Variants in ANOS1 observed in about 807,000 individuals in gnomAD.
ANOS1 encodes anosmin-1.
A neutral mutation model predicts 59.0 loss-of-function variants in ANOS1; 6 were observed. That is an observed-to-expected ratio of 0.10 (90% CI 0.06 to 0.20). The LOEUF is 0.20. Ranked by LOEUF, ANOS1 falls within the 10% of genes least tolerant of loss-of-function variation. The probability of loss-of-function intolerance (pLI) is 1.00; values close to 1 mark genes in which losing one functional copy is unlikely to be tolerated. For synonymous variants in ANOS1, 217 were observed against 223.4 expected, an observed-to-expected ratio of 0.97 and a Z score of 0.25; for missense variants, 433 against 542.3, an observed-to-expected ratio of 0.80 and a Z score of 2.00.
At chrX:8,661,645 C>CTATAT (rs1451158294) in intron 2 of ANOS1, among the ~76,000 whole-genome samples, 5 of 111,739 alleles carry the variant, frequency 4.5e-5, no homozygotes, top group Non-Finnish European at 9.4e-5. Flanking sequence ...TATTTGACTA[C>CTATAT]AAGTCCAAAC....
At chrX:8,727,506 T>C (rs778756196) in intron 1 of ANOS1, among the ~76,000 whole-genome samples, 6 of 112,504 alleles carry the variant, frequency 5.3e-5, no homozygotes, top group Non-Finnish European at 1.1e-4. Context: ...GAATGGCACA[T>C]CCACTGAGGA....
intron 6 of ANOS1, among the ~76,000 whole-genome samples, chrX:8,579,594 G>A (rs778669858): frequency 9.0e-6 from 1 of 111,705 alleles, no homozygotes; most frequent in South Asian, 3.8e-4. Flanking sequence ...GTAAACAACA[G>A]ATGTTTTCAG....
At position 8,644,918 on chromosome X, in the gene ANOS1, T is replaced by G. The variant is rs73465332; in HGVS notation, c.256-21248A>C. Among the ~76,000 whole-genome samples, 379 of 112,181 alleles carry G rather than the reference T, an allele frequency of 3.4e-3. 2 individuals carry two copies. The highest frequency in any genetic ancestry group is 0.011 in the African/African-American group (354 of 30,909). ...CCATGTATTCATTTACATCTTTGCT[T>G]GTAACTTCTTTTTCCCTAAAATGTA... On this transcript the variant is annotated intron_variant, in intron 2 of 13. Transcript: ENST00000262648.
chrX:8,680,774 C>G (rs1371144963), intron 2 of ANOS1, among the ~76,000 whole-genome samples: 1 of 111,390 alleles, frequency 9.0e-6, no homozygotes, highest in Non-Finnish European at 1.9e-5. Context: ...TACAGATTCC[C>G]TAGTTAAGAG....
At chrX:8,574,571 T>C (rs1167589188) in intron 6 of ANOS1, among the ~76,000 whole-genome samples, 1 of 111,643 alleles carries the variant, frequency 9.0e-6, no homozygotes, top group Non-Finnish European at 1.9e-5. Context: ...GAGAAGAATG[T>C]GGAAATTTTA....
At chrX:8,712,533 C>A (rs192937250) in intron 1 of ANOS1, among the ~76,000 whole-genome samples, 1 of 112,324 alleles carries the variant, frequency 8.9e-6, no homozygotes, top group Non-Finnish European at 1.9e-5. Flanking sequence ...AGTTAATAAT[C>A]TATGTGTTAA....
chrX:8,628,556 G>A (rs150437247), intron 2 of ANOS1, among the ~76,000 whole-genome samples: 416 of 111,775 alleles, frequency 3.7e-3, no homozygotes, highest in African/African-American at 0.013. Flanking sequence ...TCTCTTCCAC[G>A]AGAGGAGTGA....
chrX:8,655,800 G>T (rs1259664371), intron 2 of ANOS1, among the ~76,000 whole-genome samples: 2 of 112,295 alleles, frequency 1.8e-5, no homozygotes, highest in African/African-American at 6.5e-5. Context: ...TTATTATTTT[G>T]TTATCTTATA....
At chrX:8,535,384 T>C in intron 12 of ANOS1, 1 of 448,219 alleles carries the variant, frequency 2.2e-6, no homozygotes, top group Non-Finnish European at 4.0e-6. Context: ...AAACTTTATC[T>C]AGATGGCAGC....
At chrX:8,611,527 C>T (rs1195107356) in intron 3 of ANOS1, among the ~76,000 whole-genome samples, 1 of 110,861 alleles carries the variant, frequency 9.0e-6, no homozygotes, top group Admixed American at 9.6e-5. Context: ...AGATAATTAA[C>T]TCAAAGTATA....
chrX:8,675,102 A>G (rs1932315625), intron 2 of ANOS1, among the ~76,000 whole-genome samples: 2 of 111,218 alleles, frequency 1.8e-5, no homozygotes, highest in Admixed American at 1.9e-4. Flanking sequence ...ATCCAGAAAT[A>G]GGGTCTAGTT....
intron 2 of ANOS1, among the ~76,000 whole-genome samples, chrX:8,651,795 C>T (rs940050534): frequency 8.9e-6 from 1 of 112,148 alleles, no homozygotes; most frequent in African/African-American, 3.2e-5. Flanking sequence ...AAAGTTTCAG[C>T]CACAATTAGT....
intron 9 of ANOS1, among the ~76,000 whole-genome samples, chrX:8,552,339 A>G (rs150947328): frequency 7.8e-4 from 88 of 112,217 alleles, no homozygotes; most frequent in African/African-American, 2.5e-3. Flanking sequence ...TCCCACCTCT[A>G]TGGAAGAATA....
intron 7 of ANOS1, among the ~76,000 whole-genome samples, chrX:8,569,828 T>C (rs780175373): frequency 6.2e-4 from 69 of 111,935 alleles, no homozygotes; most frequent in Admixed American, 2.9e-3. Context: ...TTTATGTAAA[T>C]TTTATGACAA....
intron 3 of ANOS1, among the ~76,000 whole-genome samples, 177 bp downstream of exon 3, chrX:8,623,431 C>T: frequency 9.1e-6 from 1 of 110,284 alleles, no homozygotes; most frequent in South Asian, 3.9e-4. Flanking sequence ...CAGTGGGTAG[C>T]CAGGTTTTAA....
Position 8,693,333 on chromosome X carries a change from G to C in ANOS1, c.255+6365C>G, listed in dbSNP as rs528642423. 1.3e-4 allele frequency among the ~76,000 whole-genome samples: 15 copies of C among 111,465 alleles called. No homozygotes were observed. In the South Asian group the frequency reaches 5.8e-3, roughly 43 times the overall value. On this transcript the variant is annotated intron_variant, in intron 2 of 13. Coordinates refer to ENST00000262648, the MANE Select transcript of ANOS1 (RefSeq NM_000216.4). ...CTTCATGCAAACAATGATCTCAGTG[G>C]TCTGTATCACCTATGTTCCCTTACT...
At chrX:8,648,843 TC>T (rs1305291607) in intron 2 of ANOS1, among the ~76,000 whole-genome samples, 1 of 112,121 alleles carries the variant, frequency 8.9e-6, no homozygotes, top group Non-Finnish European at 1.9e-5. Flanking sequence ...ATGTCTTTGT[TC>T]AGTAAATGCA....
chrX:8,607,627 G>A (rs1437615984), intron 3 of ANOS1, among the ~76,000 whole-genome samples: 1 of 111,340 alleles, frequency 9.0e-6, no homozygotes, highest in African/African-American at 3.3e-5. Context: ...GAGAATTAGG[G>A]ATAGTTCAGG....
chrX:8,600,606 A>G (rs760541544), intron 3 of ANOS1, among the ~76,000 whole-genome samples: 1 of 112,297 alleles, frequency 8.9e-6, no homozygotes, highest in East Asian at 2.8e-4. Context: ...AAACTTTATA[A>G]GTATTTAAAG....
Sources: gnomAD v4.1 joint callset for allele counts (sites outside exome capture counted in the v4.1 genomes callset) on GRCh38, gnomAD v4.1.1 for gene constraint, MANE v1.5 for transcripts, NCBI Gene and HGNC (gene_info 2026-07-23, HGNC 2026-07-21) for gene names.